EPHA6: variants seen among roughly 807,000 people sequenced by gnomAD.
The protein encoded by EPHA6 is EPH receptor A6.
In EPHA6, 50 loss-of-function variants were observed where a neutral mutation model predicts 112.0. That is an observed-to-expected ratio of 0.45 (90% CI 0.36 to 0.56). EPHA6 has a LOEUF of 0.56. EPHA6 is among the 20% of genes least tolerant of loss of function. EPHA6 has a pLI of 0.00. For synonymous variants in EPHA6, 529 were observed against 490.7 expected (o/e 1.08, Z -1.03); for missense variants, 1,280 against 1,417.4 (o/e 0.90, Z 1.56).
chr3:97,166,697 G>A (rs1253273908), intron 3 of EPHA6, among the ~76,000 whole-genome samples: 1 of 152,164 alleles, frequency 6.6e-6, no homozygotes, highest in Non-Finnish European at 1.5e-5. Context: ...TAATTCTGCA[G>A]TGACAAATGC....
chr3:96,831,855 C>T (rs2034103479), intron 1 of EPHA6, among the ~76,000 whole-genome samples: 2 of 151,954 alleles, frequency 1.3e-5, no homozygotes, highest in Non-Finnish European at 2.9e-5. Context: ...AAATGATTGC[C>T]ATCAACCAGT....
At chr3:97,303,532 T>C (rs1430849630) in intron 5 of EPHA6, among the ~76,000 whole-genome samples, 1 of 152,038 alleles carries the variant, frequency 6.6e-6, no homozygotes, top group African/African-American at 2.4e-5. Flanking sequence ...ACAGGCTGTC[T>C]ACAAGCTGGA....
At chr3:97,302,477 GT>G (rs76344112) in intron 5 of EPHA6, among the ~76,000 whole-genome samples, 198 of 140,506 alleles carry the variant, frequency 1.4e-3, no homozygotes, top group Middle Eastern at 7.8e-3. Context: ...AACCTCAGGT[GT>G]TTTTTTTTTT....
chr3:97,613,211 C>T (rs2093735411), intron 13 of EPHA6, among the ~76,000 whole-genome samples: 1 of 152,078 alleles, frequency 6.6e-6, no homozygotes, highest in Admixed American at 6.6e-5. Context: ...ATACTCAACT[C>T]CCCATGACAA....
chr3:97,332,683 C>CT (rs2082859048), intron 5 of EPHA6, among the ~76,000 whole-genome samples: 1 of 152,026 alleles, frequency 6.6e-6, no homozygotes, highest in Admixed American at 6.6e-5. Flanking sequence ...CCTGTGGATG[C>CT]TTACTTGTTC....
intron 1 of EPHA6, among the ~76,000 whole-genome samples, chr3:96,820,363 G>A (rs1356827579): frequency 3.3e-5 from 5 of 151,916 alleles, no homozygotes; most frequent in Non-Finnish European, 7.4e-5. Flanking sequence ...AACTTAATTG[G>A]GAGATGACAA....
intron 3 of EPHA6, among the ~76,000 whole-genome samples, chr3:97,153,667 A>G (rs950881105): frequency 5.3e-5 from 8 of 152,094 alleles, no homozygotes; most frequent in African/African-American, 1.9e-4. Flanking sequence ...AATAATTGAT[A>G]TCTAATAAAA....
At chr3:97,588,179 G>C (rs567896635) in intron 11 of EPHA6, among the ~76,000 whole-genome samples, 2 of 151,860 alleles carry the variant, frequency 1.3e-5, no homozygotes, top group African/African-American at 4.8e-5. Flanking sequence ...TCTTTCTACC[G>C]CCCATCTTCC....
At chr3:96,995,684 C>CTAT (rs1418311483) in intron 3 of EPHA6, among the ~76,000 whole-genome samples, 3 of 152,114 alleles carry the variant, frequency 2.0e-5, no homozygotes, top group African/African-American at 7.2e-5. Context: ...TATATTTACA[C>CTAT]TATTATTGTC....
chr3:97,623,941 A>G (rs1408087132), intron 13 of EPHA6, among the ~76,000 whole-genome samples: 1 of 151,640 alleles, frequency 6.6e-6, no homozygotes, highest in Non-Finnish European at 1.5e-5. Flanking sequence ...GGAAATGTGA[A>G]TCCTCCAGCT....
rs767401648 is a variant in EPHA6, at chr3:97,736,071, G to A, written c.3081G>A (p.Leu1027=). 6.2e-7 allele frequency: 1 copy of A among 1,612,276 alleles called. No individual in the cohort carries two copies. Among genetic ancestry groups the A allele is most frequent in the African/African-American group, 1.3e-5 (1 of 74,752 alleles). The part of the protein sequence containing the change: ...FTDIVSFLDK[L]IRNPSALHTL... The stretch of plus-strand genomic sequence containing the variant: ...ACATTGTCAGCTTCCTTGACAAACT[G>A]ATCCGAAATCCCAGTGCCCTTCACA... Residue 1027 remains leucine (L), a synonymous_variant, in exon 16 of 18, where the codon CTG becomes CTA. Coordinates refer to ENST00000389672, the MANE Select transcript of EPHA6 (RefSeq NM_001080448.3).
intron 3 of EPHA6, among the ~76,000 whole-genome samples, chr3:97,174,616 A>G (rs755727761): frequency 5.3e-5 from 8 of 151,814 alleles, no homozygotes; most frequent in Non-Finnish European, 1.2e-4. Context: ...GATATCTCAT[A>G]GTAGTTTTTA....
chr3:97,320,966 G>A (rs1279687424), intron 5 of EPHA6, among the ~76,000 whole-genome samples: 4 of 151,828 alleles, frequency 2.6e-5, no homozygotes, highest in South Asian at 2.1e-4. Flanking sequence ...AACATGGGTG[G>A]CCTGTCACAA....
intron 10 of EPHA6, among the ~76,000 whole-genome samples, chr3:97,507,106 T>G (rs1177044179): frequency 1.3e-5 from 2 of 152,190 alleles, no homozygotes; most frequent in Non-Finnish European, 2.9e-5. Context: ...TCATGTCATC[T>G]GCAAACAGAG....
intron 2 of EPHA6, among the ~76,000 whole-genome samples, chr3:96,987,048 G>A (rs2043048661): frequency 6.6e-6 from 1 of 152,164 alleles, no homozygotes; most frequent in African/African-American, 2.4e-5. Context: ...CTGTGAAACA[G>A]GTACTATTAT....
In EPHA6 at chr3:97,058,295, TTTG is replaced by T. The variant is rs202158767; in HGVS notation, c.1114+70321_1114+70323del. 9.2e-5 allele frequency among the ~76,000 whole-genome samples: 14 copies of T among 151,838 alleles called. No individual in the cohort carries two copies. In the East Asian group the frequency reaches 1.4e-3, roughly 15 times the overall value. On this transcript the variant is annotated intron_variant, in intron 3 of 17. Transcript: ENST00000389672. ...TCATCTAAGAGTAAGGAGTTTTTTTTTTGTTGTTGTTGTTGTTGTTGAGACAAG... is the reference window on the plus strand; with the variant it reads ...TCATCTAAGAGTAAGGAGTTTTTTTTTTGTTGTTGTTGTTGTTGAGACAAG...
chr3:97,615,702 C>A (rs542698145), intron 13 of EPHA6, among the ~76,000 whole-genome samples: 39 of 152,282 alleles, frequency 2.6e-4, no homozygotes, highest in African/African-American at 8.9e-4. Flanking sequence ...AGCACATCTG[C>A]TCTACCAAAA....
chr3:97,759,556 A>G lies in EPHA6; in HGVS notation c.*10855A>G, dbSNP rs1388426723. On this transcript the variant is annotated 3_prime_UTR_variant, in exon 18 of 18. Transcript: ENST00000389672. ...TGATAATTGTAACAAAGGCCTTGAG[A>G]GATAGAGGGGTTGCGATTTAAAGCA... The G allele has an allele frequency of 9.1e-5, 21 of 231,192 alleles. No individual in the cohort carries two copies. The East Asian group carries it at 1.3e-3, about 14-fold the overall frequency. 14.3% of individuals were successfully genotyped at this position (231,192 alleles called of 1,614,324 possible). A position where few individuals can be genotyped will look rare whatever the true frequency, so the allele number is the denominator to read the frequency against.
At chr3:97,444,648 G>A (rs140354287) in intron 6 of EPHA6, among the ~76,000 whole-genome samples, 1 of 152,194 alleles carries the variant, frequency 6.6e-6, no homozygotes, top group Non-Finnish European at 1.5e-5. Context: ...CAAGACAGGA[G>A]AACTCTAACC....
Sources: gnomAD v4.1 joint callset for allele counts (sites outside exome capture counted in the v4.1 genomes callset) on GRCh38, gnomAD v4.1.1 for gene constraint, MANE v1.5 for transcripts, NCBI Gene and HGNC (gene_info 2026-07-23, HGNC 2026-07-21) for gene names.